Variants in KSR2 observed in about 807,000 individuals in gnomAD.
KSR2 encodes the protein kinase suppressor of ras 2.
A neutral mutation model predicts 107.8 loss-of-function variants in KSR2; 25 were observed. That is an observed-to-expected ratio of 0.23 (90% CI 0.17 to 0.32). KSR2 has a LOEUF of 0.32. Among genes scored for constraint, KSR2 ranks in the 10% least tolerant of loss-of-function variants. The probability of loss-of-function intolerance (pLI) is 1.00; values close to 1 mark genes in which losing one functional copy is unlikely to be tolerated. For synonymous variants in KSR2, 480 were observed against 507.0 expected (o/e 0.95, Z 0.71); for missense variants, 887 against 1,268.9 (o/e 0.70, Z 4.57).
intron 1 of KSR2, among the ~76,000 whole-genome samples, chr12:117,876,816 C>T (rs1389083014): frequency 6.6e-6 from 1 of 150,646 alleles, no homozygotes; most frequent in Admixed American, 6.7e-5. Flanking sequence ...GGTTGAGTAT[C>T]CCTTATCCGA....
chr12:117,508,356 G>T (rs1873827685), intron 14 of KSR2, among the ~76,000 whole-genome samples: 1 of 152,192 alleles, frequency 6.6e-6, no homozygotes, highest in Non-Finnish European at 1.5e-5. Context: ...CAGAAGAAAA[G>T]CCCCACTCAC....
At chr12:117,860,062 T>C (rs1021952312) in intron 2 of KSR2, among the ~76,000 whole-genome samples, 2 of 152,194 alleles carry the variant, frequency 1.3e-5, no homozygotes, top group African/African-American at 4.8e-5. Context: ...ACTCTGTGAA[T>C]ATGTGGCAGA....
At chr12:117,705,610 T>C (rs568493210) in intron 4 of KSR2, among the ~76,000 whole-genome samples, 1 of 152,352 alleles carries the variant, frequency 6.6e-6, no homozygotes, top group East Asian at 1.9e-4. Flanking sequence ...TTGCACTGCC[T>C]GGTGACAGGT....
chr12:117,620,519 T>TA (rs1882137312), intron 5 of KSR2, among the ~76,000 whole-genome samples: 2 of 152,116 alleles, frequency 1.3e-5, no homozygotes, highest in Non-Finnish European at 1.5e-5. Flanking sequence ...CAAAAAGAAA[T>TA]ACAGACATTA....
At chr12:117,868,133 A>T (rs34732933) in intron 1 of KSR2, among the ~76,000 whole-genome samples, 1 of 152,230 alleles carries the variant, frequency 6.6e-6, no homozygotes, top group African/African-American at 2.4e-5. Flanking sequence ...AATAAATATA[A>T]CAATAAAAAT....
At chr12:117,625,988 G>A (rs1192278582) in intron 5 of KSR2, among the ~76,000 whole-genome samples, 11 of 152,248 alleles carry the variant, frequency 7.2e-5, no homozygotes, top group South Asian at 2.1e-4. Context: ...GTTTATTTGC[G>A]TAGAGGTGTT....
At chr12:117,848,841 G>GTGATGTTGA (rs368550228) in intron 3 of KSR2, among the ~76,000 whole-genome samples, 1 of 141,780 alleles carries the variant, frequency 7.1e-6, no homozygotes, top group African/African-American at 2.7e-5. Flanking sequence ...GGTAGTGGTG[G>GTGATGTTGA]TGATGGTGAT....
chr12:117,937,528 T>A (rs1263447129), intron 1 of KSR2, among the ~76,000 whole-genome samples: 1 of 152,066 alleles, frequency 6.6e-6, no homozygotes, highest in African/African-American at 2.4e-5. Flanking sequence ...GAAGTGGAGA[T>A]CATATATTAG....
At chr12:117,895,096 T>C (rs934304163) in intron 1 of KSR2, among the ~76,000 whole-genome samples, 1 of 151,716 alleles carries the variant, frequency 6.6e-6, no homozygotes, top group Non-Finnish European at 1.5e-5. Flanking sequence ...CCAGGTGTGG[T>C]GGCACAAACC....
intron 13 of KSR2, among the ~76,000 whole-genome samples, chr12:117,526,226 C>T (rs1875152445): frequency 1.3e-5 from 2 of 152,240 alleles, no homozygotes; most frequent in Non-Finnish European, 1.5e-5. Context: ...TTCGGCGTAA[C>T]TACCACTAGA....
At chr12:117,881,389 A>C (rs1894023231) in intron 1 of KSR2, among the ~76,000 whole-genome samples, 1 of 152,182 alleles carries the variant, frequency 6.6e-6, no homozygotes, top group Admixed American at 6.5e-5. Flanking sequence ...CTACCTAGAG[A>C]TGAGGTGTTG....
chr12:117,646,761 G>T (rs1374733301), intron 5 of KSR2, among the ~76,000 whole-genome samples: 1 of 152,114 alleles, frequency 6.6e-6, no homozygotes, highest in Non-Finnish European at 1.5e-5. Flanking sequence ...TAGCATCAAA[G>T]CCCCGGCATT....
At chr12:117,653,195 C>T (rs188064043) in intron 5 of KSR2, among the ~76,000 whole-genome samples, 1 of 152,342 alleles carries the variant, frequency 6.6e-6, no homozygotes, top group Non-Finnish European at 1.5e-5. Context: ...AGTGGATTAT[C>T]ATAAGCTTAA....
chr12:117,901,271 T>C (rs1310205312), intron 1 of KSR2, among the ~76,000 whole-genome samples: 1 of 151,832 alleles, frequency 6.6e-6, no homozygotes, highest in East Asian at 1.9e-4. Context: ...AAATAAACTA[T>C]GCGATATTTT....
chr12:117,862,964 C>T lies in KSR2; in HGVS notation c.181-2533G>A, dbSNP rs867667214. ...CAGGATGGTCTCGATCTCCTGATCT[C>T]GTGATCCACCTGCCTCAGCCTCCCA... On this transcript the variant is annotated intron_variant, in intron 1 of 19. Coordinates refer to ENST00000339824, the MANE Select transcript of KSR2 (RefSeq NM_173598.6). 2.0e-5 allele frequency among the ~76,000 whole-genome samples: 3 copies of T among 152,054 alleles called. No individual in the cohort carries two copies. The South Asian group carries it at 6.2e-4, about 31-fold the overall frequency.
chr12:117,892,440 T>C (rs1180023947), intron 1 of KSR2, among the ~76,000 whole-genome samples: 1 of 152,352 alleles, frequency 6.6e-6, no homozygotes, highest in African/African-American at 2.4e-5. Context: ...TTTAGAACTC[T>C]TCTCTTTTTG....
intron 4 of KSR2, among the ~76,000 whole-genome samples, chr12:117,669,917 G>A (rs1004951429): frequency 6.6e-6 from 1 of 151,618 alleles, no homozygotes; most frequent in Non-Finnish European, 1.5e-5. Context: ...TAAAGAAAGT[G>A]AGGGGCTTAG....
intron 4 of KSR2, among the ~76,000 whole-genome samples, chr12:117,707,110 T>C (rs949481508): frequency 6.6e-6 from 1 of 152,242 alleles, no homozygotes; most frequent in African/African-American, 2.4e-5. Flanking sequence ...AACATTATGC[T>C]GAATGAAAGA....
At chr12:117,651,807 A>G (rs907436397) in intron 5 of KSR2, among the ~76,000 whole-genome samples, 6 of 152,102 alleles carry the variant, frequency 3.9e-5, no homozygotes, top group African/African-American at 1.4e-4. Context: ...TATGAAATAG[A>G]TTTGGGAGGG....
Sources: allele counts gnomAD v4.1 joint callset (sites outside exome capture counted in the v4.1 genomes callset), GRCh38; gene constraint gnomAD v4.1.1; transcripts MANE v1.5; gene names NCBI Gene and HGNC (gene_info 2026-07-23, HGNC 2026-07-21).